TXNDC12: variants seen among roughly 807,000 people sequenced by gnomAD.
The protein encoded by TXNDC12 is thioredoxin domain containing 12, also known as thioredoxin domain-containing protein 12.
A neutral mutation model predicts 24.2 loss-of-function variants in TXNDC12; 22 were observed. That is an observed-to-expected ratio of 0.91 (90% CI 0.65 to 1.30). TXNDC12 has a LOEUF of 1.30. TXNDC12 is among the 50% of genes most tolerant of loss of function. TXNDC12 has a pLI of 0.00. For missense variants in TXNDC12, 184 were observed against 205.8 expected (o/e 0.89, Z 0.65); for synonymous variants, 58 against 73.4 (o/e 0.79, Z 1.07).
At chr1:52,045,599 C>A (rs1369163867) in intron 1 of TXNDC12, among the ~76,000 whole-genome samples, 1 of 151,790 alleles carries the variant, frequency 6.6e-6, no homozygotes, top group African/African-American at 2.4e-5. Context: ...ATTGTTTAAG[C>A]CGGTTAGTCT....
chr1:52,045,084 G>C (rs1686065929), intron 1 of TXNDC12, among the ~76,000 whole-genome samples: 1 of 152,082 alleles, frequency 6.6e-6, no homozygotes, highest in Non-Finnish European at 1.5e-5. Flanking sequence ...GTGATAAAAG[G>C]AAAGGAGTAA....
intron 1 of TXNDC12, among the ~76,000 whole-genome samples, chr1:52,045,192 T>C (rs910891471): frequency 4.5e-4 from 68 of 152,242 alleles, no homozygotes; most frequent in African/African-American, 1.6e-3. Flanking sequence ...TTACATGACA[T>C]TGGAAAAAGC....
At chr1:52,021,140 C>T (rs541307879) in intron 6 of TXNDC12, 128 bp from the exon 7 acceptor site, 63 of 686,858 alleles carry the variant, frequency 9.2e-5, no homozygotes, top group Non-Finnish European at 1.6e-4. Context: ...CAAGATCTAG[C>T]TCTGGATTTT....
At chr1:52,053,385 C>T (rs535377252) in intron 1 of TXNDC12, among the ~76,000 whole-genome samples, 182 of 152,342 alleles carry the variant, frequency 1.2e-3, no homozygotes, top group African/African-American at 4.2e-3. Flanking sequence ...CAGTAGCTGG[C>T]TGGGCGCAGT....
At chr1:52,052,803 AC>A (rs1353589879) in intron 1 of TXNDC12, 1 of 152,136 alleles carries the variant, frequency 6.6e-6, no homozygotes, top group African/African-American at 2.4e-5. Context: ...TATTACCTAC[AC>A]CTAACACAGT....
intron 1 of TXNDC12, among the ~76,000 whole-genome samples, chr1:52,053,265 A>G (rs1686255115): frequency 6.6e-6 from 1 of 152,112 alleles, no homozygotes; most frequent in African/African-American, 2.4e-5. Flanking sequence ...TCTCAAAAAC[A>G]AAAGCAAACA....
In TXNDC12 at chr1:52,020,431, A is replaced by T. The variant is rs2124353753; in HGVS notation, c.*502T>A. 7.6e-6 allele frequency: 2 copies of T among 261,998 alleles called. No individual in the cohort carries two copies. Among genetic ancestry groups the T allele is most frequent in the Admixed American group, 9.2e-5 (2 of 21,812 alleles). 16.2% of individuals were successfully genotyped at this position (261,998 alleles called of 1,614,324 possible). The stretch of plus-strand genomic sequence containing the variant: ...ATTCCCAGGAGAAAAAAGGGAAAAA[A>T]CAGGCTGATATCCTTGGTAGGGGGT... On this transcript the variant is annotated 3_prime_UTR_variant, in exon 7 of 7. Coordinates refer to ENST00000371626, the MANE Select transcript of TXNDC12 (RefSeq NM_015913.4).
intron 1 of TXNDC12, among the ~76,000 whole-genome samples, chr1:52,046,454 A>C (rs1686091155): frequency 6.6e-6 from 1 of 152,102 alleles, no homozygotes; most frequent in Non-Finnish European, 1.5e-5. Flanking sequence ...GTCAAGGATC[A>C]CTCTAAGGTT....
chr1:52,053,631 TCCAGC>T (rs1254613381), intron 1 of TXNDC12, among the ~76,000 whole-genome samples: 2 of 152,026 alleles, frequency 1.3e-5, no homozygotes, highest in Non-Finnish European at 2.9e-5. Context: ...GCCACTGGAC[TCCAGC>T]CCGAGCAACA....
At chr1:52,040,797 G>A (rs1333668130) in intron 2 of TXNDC12, among the ~76,000 whole-genome samples, 2 of 152,004 alleles carry the variant, frequency 1.3e-5, no homozygotes, top group Admixed American at 6.6e-5. Context: ...TTGGGAGGCC[G>A]AGGCAGGTGG....
At position 52,020,871 on chromosome 1, in the gene TXNDC12, T is replaced by G. The variant is rs1685585826; in HGVS notation, c.*62A>C. The G allele has an allele frequency of 7.1e-7, 1 of 1,400,786 alleles. No individual in the cohort carries two copies. 86.8% of individuals were successfully genotyped at this position (1,400,786 alleles called of 1,614,324 possible). ...ATTGTTCTAGATGATTCCTCAATAT[T>G]CCCTTCCCTGCTGCTTTCCTTCCAG... On this transcript the variant is annotated 3_prime_UTR_variant, in exon 7 of 7. Transcript: ENST00000371626.
At chr1:52,023,350 C>T (rs1571996833) in intron 6 of TXNDC12, 141 bp downstream of exon 6, 2 of 639,172 alleles carry the variant, frequency 3.1e-6, no homozygotes, top group Non-Finnish European at 2.7e-6. Context: ...CTATATCCTA[C>T]ACAGGATCTG....
intron 2 of TXNDC12, chr1:52,033,988 T>C (rs1685836085): frequency 1.4e-6 from 2 of 1,414,318 alleles, no homozygotes; most frequent in Non-Finnish European, 1.8e-6. Context: ...CCAAATGTTA[T>C]AGGCCTCAGG....
chr1:52,027,895 C>T (rs1007075313), intron 3 of TXNDC12, among the ~76,000 whole-genome samples: 1 of 151,776 alleles, frequency 6.6e-6, no homozygotes, highest in African/African-American at 2.4e-5. Context: ...TACAATGGTA[C>T]GATCTCAGCT....
rs1005574366 is a variant in TXNDC12, at chr1:52,032,225, T to C, written c.159-3595A>G. 9.1e-6 allele frequency: 9 copies of C among 986,226 alleles called. No homozygotes were observed. In the African/African-American group the frequency reaches 1.4e-4, roughly 15 times the overall value. 61.1% of individuals were successfully genotyped at this position (986,226 alleles called of 1,614,324 possible). On this transcript the variant is annotated intron_variant, in intron 2 of 6. Transcript: ENST00000371626. ...TTTATCTGTGAACTCGGTCCCAGAA[T>C]AGAAACTAGCAAAAAGTCAGTACAG... is the stretch of plus-strand genomic sequence containing the variant.
chr1:52,027,540 C>A (rs2124361762), intron 3 of TXNDC12, among the ~76,000 whole-genome samples, 192 bp from the exon 4 acceptor site: 1 of 152,074 alleles, frequency 6.6e-6, no homozygotes, highest in Middle Eastern at 3.4e-3. Flanking sequence ...AGCTATGTGA[C>A]CTTGAGTGAC....
chr1:52,055,175 G>T lies in TXNDC12; in HGVS notation c.-79C>A. ...GCAGACGGTCCACACAGTTCGCCGA[G>T]CGCCGCTCAGCACAACACCTCTACT... On this transcript the variant is annotated 5_prime_UTR_variant, in exon 1 of 7. Transcript: ENST00000371626. 1.0e-6 allele frequency: 1 copy of T among 980,934 alleles called. No individual in the cohort carries two copies. Among genetic ancestry groups the T allele is most frequent in the Non-Finnish European group, 1.6e-6 (1 of 615,628 alleles). The allele number at this position is 980,934 out of a possible 1,614,324, so 60.8% of individuals were successfully genotyped here.
intron 2 of TXNDC12, chr1:52,033,257 C>T (rs751961152): frequency 1.2e-6 from 2 of 1,613,924 alleles, no homozygotes; most frequent in Admixed American, 3.3e-5. Context: ...TTGGGTACGT[C>T]GGCCTGGGCA....
intron 2 of TXNDC12, chr1:52,033,805 C>T: frequency 1.3e-5 from 20 of 1,512,020 alleles, no homozygotes; most frequent in Non-Finnish European, 1.6e-5. Context: ...CGCCAACTTC[C>T]GGGTTGTACG....
Sources: allele counts gnomAD v4.1 joint callset (sites outside exome capture counted in the v4.1 genomes callset), GRCh38; gene constraint gnomAD v4.1.1; transcripts MANE v1.5; gene names NCBI Gene and HGNC (gene_info 2026-07-23, HGNC 2026-07-21).